The following NRXN1 variants were observed in gnomAD, a reference collection of about 807,000 sequenced individuals.
NRXN1 encodes the protein neurexin-1.
A neutral mutation model predicts 150.9 loss-of-function variants in NRXN1; 39 were observed. The ratio of observed to expected loss-of-function variants is 0.26; its 90% CI spans 0.20 to 0.34. The LOEUF is 0.34. Ranked by LOEUF, NRXN1 falls within the 10% of genes least tolerant of loss-of-function variation. The pLI is 1.00. For missense variants in NRXN1, 1,815 were observed against 1,949.9 expected (o/e 0.93, Z 1.30); for synonymous variants, 924 against 757.0 (o/e 1.22, Z -3.62).
At chr2:50,383,689 C>G (rs2081127749) in intron 17 of NRXN1, among the ~76,000 whole-genome samples, 1 of 152,136 alleles carries the variant, frequency 6.6e-6, no homozygotes, top group South Asian at 2.1e-4. Flanking sequence ...GGTCCTGGTA[C>G]TCCCTGAAAA....
intron 17 of NRXN1, among the ~76,000 whole-genome samples, chr2:50,385,976 T>C (rs1354943521): frequency 1.3e-5 from 2 of 152,048 alleles, no homozygotes; most frequent in Non-Finnish European, 2.9e-5. Context: ...AATAGTGATA[T>C]ATTTTATCAC....
intron 14 of NRXN1, 21 bp from the exon 15 acceptor site, chr2:50,496,116 G>A (rs2091602660): frequency 6.4e-7 from 1 of 1,558,768 alleles, no homozygotes; most frequent in Non-Finnish European, 8.7e-7. Context: ...AATGAAAGAG[G>A]GGAAAGTGCC....
At chr2:50,248,901 C>T (rs1467826753) in intron 17 of NRXN1, among the ~76,000 whole-genome samples, 2 of 151,668 alleles carry the variant, frequency 1.3e-5, no homozygotes, top group Non-Finnish European at 2.9e-5. Flanking sequence ...AATCCCAGCA[C>T]TTTGGGAGGC....
chr2:50,377,676 A>C (rs192519810), intron 17 of NRXN1, among the ~76,000 whole-genome samples: 2 of 152,214 alleles, frequency 1.3e-5, no homozygotes, highest in African/African-American at 4.8e-5. Context: ...CCTTGTTCTC[A>C]CCAGTCCAGT....
chr2:50,773,874 C>T (rs1358539866), intron 5 of NRXN1, among the ~76,000 whole-genome samples: 3 of 152,086 alleles, frequency 2.0e-5, no homozygotes, highest in South Asian at 4.1e-4. Flanking sequence ...ACGTCTTTCA[C>T]TTTTTCATTC....
rs200583654 is a variant in NRXN1, at chr2:50,347,734, A to T, written c.3365-110764T>A. ...AAGGAGTAAGGGAGAGAAACAGAAA[A>T]AGAAAAAGAAAAAGAAAAAAAGAAA... On this transcript the variant is annotated intron_variant, in intron 17 of 22. Coordinates refer to ENST00000401669, the MANE Select transcript of NRXN1 (RefSeq NM_001330078.2). This position sits in a 1 kb window ranked among gnomAD's most constrained non-coding sequence, Gnocchi z 4.9. 1 of 986,038 alleles carries T rather than the reference A, an allele frequency of 1.0e-6. No individual in the cohort carries two copies. Among genetic ancestry groups the T allele is most frequent in the Non-Finnish European group, 1.2e-6 (1 of 830,382 alleles). The allele number at this position is 986,038 out of a possible 1,614,324, so 61.1% of individuals were successfully genotyped here.
Position 50,347,757 on chromosome 2 carries a change from A to C in NRXN1, c.3365-110787T>G. ...AAAAGAAAAAGAAAAAGAAAAAAAG[A>C]AAAGAAAAACCACACACGCTGGTGA... is the stretch of plus-strand genomic sequence containing the variant. On this transcript the variant is annotated intron_variant, in intron 17 of 22. Transcript: ENST00000401669. This position sits in a 1 kb window ranked among gnomAD's most constrained non-coding sequence, Gnocchi z 4.9. The C allele has an allele frequency of 1.0e-6, 1 of 986,528 alleles. No homozygotes were observed. Among genetic ancestry groups the C allele is most frequent in the Non-Finnish European group, 1.2e-6 (1 of 830,752 alleles). 61.1% of individuals were successfully genotyped at this position (986,528 alleles called of 1,614,324 possible). A position where few individuals can be genotyped will look rare whatever the true frequency, so the allele number is the denominator to read the frequency against.
chr2:49,974,846 A>G (rs892588370), intron 21 of NRXN1, among the ~76,000 whole-genome samples: 2 of 151,978 alleles, frequency 1.3e-5, no homozygotes, highest in African/African-American at 4.8e-5. Context: ...TAAAAATAAA[A>G]ACAAGCACCA....
At chr2:50,067,392 A>C (rs531394921) in intron 19 of NRXN1, among the ~76,000 whole-genome samples, 1 of 152,216 alleles carries the variant, frequency 6.6e-6, no homozygotes, top group African/African-American at 2.4e-5. Flanking sequence ...TGAAATAAAT[A>C]CAGGTAACCT....
chr2:50,588,845 G>C (rs1280829356), intron 8 of NRXN1: 1 of 152,134 alleles, frequency 6.6e-6, no homozygotes, highest in East Asian at 1.9e-4. Flanking sequence ...AGTGGAAATG[G>C]CGATAATTAT....
At chr2:50,002,826 T>C (rs1375006260) in intron 21 of NRXN1, among the ~76,000 whole-genome samples, 2 of 152,104 alleles carry the variant, frequency 1.3e-5, no homozygotes, top group Non-Finnish European at 2.9e-5. Context: ...TCTCTTCTGT[T>C]GACCTGAAAG....
At chr2:50,407,484 G>C (rs1007056471) in intron 17 of NRXN1, among the ~76,000 whole-genome samples, 1 of 152,088 alleles carries the variant, frequency 6.6e-6, no homozygotes, top group East Asian at 1.9e-4. Flanking sequence ...CCTATGGCTT[G>C]AATATGTGTC....
chr2:50,666,029 G>A (rs1157145392), intron 5 of NRXN1, among the ~76,000 whole-genome samples: 7 of 151,722 alleles, frequency 4.6e-5, no homozygotes, highest in Non-Finnish European at 1.0e-4. Context: ...TACATTTTTC[G>A]AGCCTCTTTG....
At chr2:49,973,765 C>G in intron 21 of NRXN1, 3 of 551,982 alleles carry the variant, frequency 5.4e-6, no homozygotes, top group Non-Finnish European at 9.6e-6. Context: ...TTAAAACAAC[C>G]TTTCCACATT....
intron 18 of NRXN1, among the ~76,000 whole-genome samples, chr2:50,101,738 A>C (rs947134370): frequency 6.6e-5 from 10 of 152,040 alleles, no homozygotes; most frequent in Non-Finnish European, 1.5e-4. Flanking sequence ...CTGGGAATGG[A>C]AAGATCAGTT....
chr2:50,670,331 TC>T (rs1688661308), intron 5 of NRXN1, among the ~76,000 whole-genome samples: 1 of 151,888 alleles, frequency 6.6e-6, no homozygotes, highest in South Asian at 2.1e-4. Flanking sequence ...CAAGTGCTCT[TC>T]CATATATTTA....
At chr2:50,854,573 G>A (rs752551813) in intron 5 of NRXN1, among the ~76,000 whole-genome samples, 3 of 152,034 alleles carry the variant, frequency 2.0e-5, no homozygotes, top group Admixed American at 6.6e-5. Context: ...TTATTTCCAA[G>A]ATATCTCATG....
intron 17 of NRXN1, among the ~76,000 whole-genome samples, chr2:50,383,023 T>C (rs910222684): frequency 5.9e-5 from 9 of 152,188 alleles, no homozygotes; most frequent in Non-Finnish European, 1.3e-4. Flanking sequence ...GTTCCCATCA[T>C]CATATATGTT....
In NRXN1 at chr2:50,019,641, CAAAA is replaced by C. The variant is rs764073226; in HGVS notation, c.4128+33626_4128+33629del. Among the ~76,000 whole-genome samples the C allele has an allele frequency of 5.9e-4, 15 of 25,554 alleles. 1 individual carries two copies. The highest frequency in any genetic ancestry group is 6.2e-4 in the Admixed American group (1 of 1,614). 16.8% of individuals were successfully genotyped at this position (25,554 alleles called of 152,430 possible). On this transcript the variant is annotated intron_variant, in intron 21 of 22. Coordinates refer to ENST00000401669, the MANE Select transcript of NRXN1 (RefSeq NM_001330078.2). The stretch of plus-strand genomic sequence containing the variant: ...TGTAAGAAGGAGCAAGATTCCGTCT[CAAAA>C]AAAAAAAAAAAAAAAAGGAGGCTGG...
Sources: allele counts gnomAD v4.1 joint callset (sites outside exome capture counted in the v4.1 genomes callset), GRCh38; gene constraint gnomAD v4.1.1; non-coding constraint Gnocchi (gnomAD v3.1); transcripts MANE v1.5; gene names NCBI Gene and HGNC (gene_info 2026-07-23, HGNC 2026-07-21).